The following TMEM135 variants were observed in gnomAD, a reference collection of about 807,000 sequenced individuals.
TMEM135 encodes peroxisomal membrane protein 52.
In TMEM135, 30 loss-of-function variants were observed where a neutral mutation model predicts 60.3. That is an observed-to-expected ratio of 0.50 (90% confidence interval 0.37 to 0.68). The LOEUF (loss-of-function observed/expected upper bound fraction) is 0.68. TMEM135 is among the 30% of genes least tolerant of loss of function. The pLI is 0.00. For missense variants in TMEM135, 468 were observed against 548.8 expected (o/e 0.85, Z 1.47); for synonymous variants, 190 against 186.7 (o/e 1.02, Z -0.14).
intron 4 of TMEM135, among the ~76,000 whole-genome samples, chr11:87,093,675 T>C (rs1857259985): frequency 6.6e-6 from 1 of 151,850 alleles, no homozygotes; most frequent in African/African-American, 2.4e-5. Context: ...GGATTACAGG[T>C]GTGCACCATC....
chr11:87,055,487 C>T (rs1444633793), intron 1 of TMEM135, among the ~76,000 whole-genome samples: 2 of 152,030 alleles, frequency 1.3e-5, no homozygotes, highest in East Asian at 3.8e-4. Context: ...TTTTCAATTA[C>T]AAATGTTAGA....
chr11:87,172,649 A>G (rs1003848889), intron 5 of TMEM135, among the ~76,000 whole-genome samples: 4 of 152,084 alleles, frequency 2.6e-5, no homozygotes, highest in Non-Finnish European at 1.5e-5. Flanking sequence ...AGATCTCAAT[A>G]TATGTCTGAT....
chr11:87,166,444 C>G (rs559393162), intron 5 of TMEM135, among the ~76,000 whole-genome samples: 5 of 151,680 alleles, frequency 3.3e-5, no homozygotes, highest in African/African-American at 4.9e-5. Flanking sequence ...TTAGGTCTTA[C>G]GTTTAAGTCT....
chr11:87,298,789 A>AAAAAAAAAAAAC (rs1942392878), intron 7 of TMEM135, among the ~76,000 whole-genome samples: 2 of 143,134 alleles, frequency 1.4e-5, no homozygotes, highest in African/African-American at 5.2e-5. Context: ...TCTGTCTCAA[A>AAAAAAAAAAAAC]AAAAAAAAAA....
At chr11:87,042,054 T>C (rs1949754416) in intron 1 of TMEM135, among the ~76,000 whole-genome samples, 1 of 152,212 alleles carries the variant, frequency 6.6e-6, no homozygotes, top group Non-Finnish European at 1.5e-5. Context: ...GGCCGATGGA[T>C]TAATAGGAGA....
rs553022595 is a variant in TMEM135, at chr11:87,250,572, AGTTTCCAAAGTTTCCT to A, written c.509+13889_509+13904del. On this transcript the variant is annotated intron_variant, in intron 6 of 14. Coordinates refer to ENST00000305494, the MANE Select transcript of TMEM135 (RefSeq NM_022918.4). ...AGTGTATTGTTTAATGTCTATGTGTAGTTTCCAAAGTTTCCTTTGTTATTGACTTCTAATTTTTTTC... is the reference window on the plus strand; with the variant it reads ...AGTGTATTGTTTAATGTCTATGTGTATTGTTATTGACTTCTAATTTTTTTC... Among the ~76,000 whole-genome samples the A allele has an allele frequency of 1.9e-4, 29 of 152,014 alleles. No homozygotes were observed. In the South Asian group the frequency reaches 5.6e-3, roughly 29 times the overall value.
chr11:87,153,871 C>T (rs979853688), intron 4 of TMEM135, among the ~76,000 whole-genome samples: 1 of 152,178 alleles, frequency 6.6e-6, no homozygotes, highest in African/African-American at 2.4e-5. Flanking sequence ...ATTAAGTACT[C>T]TTTAGATACA....
intron 6 of TMEM135, among the ~76,000 whole-genome samples, chr11:87,264,765 AT>A (rs909951590): frequency 7.9e-5 from 12 of 151,918 alleles, no homozygotes; most frequent in Admixed American, 5.9e-4. Context: ...AGTCAAAAAA[AT>A]CTTAAACTTT....
intron 5 of TMEM135, among the ~76,000 whole-genome samples, chr11:87,227,210 T>C (rs773776689): frequency 6.6e-6 from 1 of 151,916 alleles, no homozygotes; most frequent in Non-Finnish European, 1.5e-5. Context: ...TGGCTTATTC[T>C]ATATTATTAT....
intron 1 of TMEM135, among the ~76,000 whole-genome samples, chr11:87,039,094 A>G (rs1949729400): frequency 6.6e-6 from 1 of 152,204 alleles, no homozygotes; most frequent in Non-Finnish European, 1.5e-5. Flanking sequence ...TAAAAGTTTC[A>G]ATATTCAGCA....
At chr11:87,062,092 AC>A (rs1465936163) in intron 1 of TMEM135, among the ~76,000 whole-genome samples, 1 of 151,826 alleles carries the variant, frequency 6.6e-6, no homozygotes, top group African/African-American at 2.4e-5. Context: ...TGCAGCCTCC[AC>A]CTTCTGGGTT....
chr11:87,126,577 T>C (rs919860461), intron 4 of TMEM135, among the ~76,000 whole-genome samples: 23 of 144,682 alleles, frequency 1.6e-4, no homozygotes, highest in African/African-American at 2.5e-4. Flanking sequence ...CTAAGGGTTT[T>C]GTTTTGCTTT....
chr11:87,259,876 A>G (rs1330121948), intron 6 of TMEM135, among the ~76,000 whole-genome samples: 1 of 151,992 alleles, frequency 6.6e-6, no homozygotes, highest in South Asian at 2.1e-4. Context: ...TCCCTTTTTT[A>G]TTTTCCCTTG....
At chr11:87,131,856 C>G (rs921194906) in intron 4 of TMEM135, among the ~76,000 whole-genome samples, 1 of 152,150 alleles carries the variant, frequency 6.6e-6, no homozygotes, top group Non-Finnish European at 1.5e-5. Flanking sequence ...TTTACAACCT[C>G]TCCCCATCGC....
chr11:87,239,106 A>G (rs1031179579), intron 6 of TMEM135, among the ~76,000 whole-genome samples: 10 of 152,030 alleles, frequency 6.6e-5, no homozygotes, highest in African/African-American at 1.9e-4. Context: ...AATCAACCCT[A>G]TAAATATGTG....
At chr11:87,080,579 G>A (rs1172675784) in intron 3 of TMEM135, among the ~76,000 whole-genome samples, 1 of 151,076 alleles carries the variant, frequency 6.6e-6, no homozygotes, top group Non-Finnish European at 1.5e-5. Flanking sequence ...CTTTTTTTTT[G>A]TTACCATTTC....
intron 5 of TMEM135, among the ~76,000 whole-genome samples, chr11:87,201,641 G>A (rs1252478234): frequency 1.3e-5 from 2 of 152,126 alleles, no homozygotes; most frequent in Admixed American, 6.6e-5. Flanking sequence ...AATGTTAGCT[G>A]TACATTATAA....
chr11:87,163,083 T>A (rs1390243978), intron 5 of TMEM135, among the ~76,000 whole-genome samples: 1 of 151,394 alleles, frequency 6.6e-6, no homozygotes. Context: ...CATGTGCACA[T>A]TGTGCAGGTT....
intron 4 of TMEM135, among the ~76,000 whole-genome samples, chr11:87,114,168 A>G (rs1045486556): frequency 6.6e-6 from 1 of 152,034 alleles, no homozygotes; most frequent in African/African-American, 2.4e-5. Context: ...TTGAGAATGT[A>G]CTCCAGCAAA....
Sources: allele counts gnomAD v4.1 joint callset (sites outside exome capture counted in the v4.1 genomes callset), GRCh38; gene constraint gnomAD v4.1.1; transcripts MANE v1.5; gene names NCBI Gene and HGNC (gene_info 2026-07-23, HGNC 2026-07-21).